The following FTO variants were observed in gnomAD, a reference collection of about 807,000 sequenced individuals.
FTO encodes alpha-ketoglutarate-dependent dioxygenase FTO.
A neutral mutation model predicts 63.9 loss-of-function variants in FTO; 47 were observed. That is an observed-to-expected ratio of 0.74 (90% confidence interval 0.58 to 0.94). The LOEUF (loss-of-function observed/expected upper bound fraction) is 0.94. Among genes scored for constraint, FTO ranks in the 40% least tolerant of loss-of-function variants. The pLI is 0.00. For missense variants in FTO, 562 were observed against 618.1 expected, an observed-to-expected ratio of 0.91 and a Z score of 0.96; for synonymous variants, 207 against 224.4, an observed-to-expected ratio of 0.92 and a Z score of 0.69.
chr16:53,902,475 G>A (rs563186328), intron 7 of FTO, among the ~76,000 whole-genome samples: 3 of 152,196 alleles, frequency 2.0e-5, no homozygotes, highest in East Asian at 1.9e-4. Flanking sequence ...TGATGCATTC[G>A]CCAACTTTCA....
intron 8 of FTO, chr16:53,937,998 G>A (rs564844566): frequency 6.6e-5 from 10 of 152,298 alleles, no homozygotes; most frequent in South Asian, 2.1e-4. Flanking sequence ...CTTCAGGAAC[G>A]GAATGGGCTT....
chr16:54,091,136 C>T lies in FTO; in HGVS notation c.1365-20626C>T, dbSNP rs145397152. ...TGCTGGAGGTGTGGTCCGTTGGAGG[C>T]CATGTTTGGAGGCTAGTTACCACAA... On this transcript the variant is annotated intron_variant, in intron 8 of 8. Transcript: ENST00000471389. 5.2e-3 allele frequency among the ~76,000 whole-genome samples: 795 copies of T among 152,250 alleles called. 6 individuals carry two copies. Among genetic ancestry groups the T allele is most frequent in the Non-Finnish European group, 6.9e-3 (467 of 68,026 alleles).
intron 8 of FTO, among the ~76,000 whole-genome samples, chr16:53,980,822 G>A (rs910947672): frequency 1.3e-5 from 2 of 151,922 alleles, no homozygotes; most frequent in African/African-American, 4.8e-5. Flanking sequence ...TTTTAATAGC[G>A]GCATTGTTTC....
chr16:53,913,850 A>G (rs1403840327), intron 7 of FTO, among the ~76,000 whole-genome samples: 2 of 152,010 alleles, frequency 1.3e-5, no homozygotes, highest in African/African-American at 4.8e-5. Flanking sequence ...GTGGTGGCGC[A>G]TGCCTGTAAT....
intron 1 of FTO, among the ~76,000 whole-genome samples, chr16:53,795,968 G>T (rs1440214379): frequency 1.3e-5 from 2 of 151,894 alleles, no homozygotes; most frequent in Non-Finnish European, 2.9e-5. Flanking sequence ...AATCTCACCA[G>T]GGAAACTGTT....
At chr16:53,936,254 C>T (rs1446682611) in intron 8 of FTO, among the ~76,000 whole-genome samples, 2 of 152,182 alleles carry the variant, frequency 1.3e-5, no homozygotes, top group Non-Finnish European at 2.9e-5. Context: ...TAACAGCTGA[C>T]ACTGTGCAGA....
intron 3 of FTO, among the ~76,000 whole-genome samples, chr16:53,834,163 T>C (rs2079222507): frequency 6.6e-6 from 1 of 152,122 alleles, no homozygotes; most frequent in Admixed American, 6.5e-5. Flanking sequence ...TAGCTGGGAC[T>C]ACAGGCGCCC....
At chr16:53,923,599 C>G (rs1000288217) in intron 7 of FTO, among the ~76,000 whole-genome samples, 3 of 152,122 alleles carry the variant, frequency 2.0e-5, no homozygotes, top group Non-Finnish European at 4.4e-5. Flanking sequence ...GGGCTGCTGG[C>G]GCCAAGGCCC....
chr16:54,051,896 A>G (rs1244956900), intron 8 of FTO, among the ~76,000 whole-genome samples: 1 of 152,224 alleles, frequency 6.6e-6, no homozygotes, highest in Non-Finnish European at 1.5e-5. Context: ...AGAGTTTCAC[A>G]TTATAGGTTT....
chr16:53,784,056 C>G (rs534516762), intron 1 of FTO, among the ~76,000 whole-genome samples: 1 of 152,288 alleles, frequency 6.6e-6, no homozygotes, highest in South Asian at 2.1e-4. Context: ...TAGTCACTTA[C>G]AATGAGCAGC....
At chr16:54,064,152 C>A (rs1322735279) in intron 8 of FTO, among the ~76,000 whole-genome samples, 1 of 152,130 alleles carries the variant, frequency 6.6e-6, no homozygotes, top group African/African-American at 2.4e-5. Flanking sequence ...AAAAATGGTA[C>A]ATGTAGCTTT....
At chr16:53,768,375 G>A (rs1364472705) in intron 1 of FTO, among the ~76,000 whole-genome samples, 2 of 152,152 alleles carry the variant, frequency 1.3e-5, no homozygotes. Flanking sequence ...CTAGTACAGT[G>A]CCTGGCACAG....
chr16:53,826,469 A>G lies in FTO; in HGVS notation c.729A>G (p.Ala243=). 22 of 1,614,178 alleles carry G rather than the reference A, an allele frequency of 1.4e-5. No individual in the cohort carries two copies. Among genetic ancestry groups the G allele is most frequent in the Non-Finnish European group, 1.9e-5 (22 of 1,180,030 alleles). Residue 243 remains alanine, a synonymous_variant, in exon 3 of 9, where the codon GCA becomes GCG. Coordinates refer to ENST00000471389, the MANE Select transcript of FTO (RefSeq NM_001080432.3). ...ATCTGGTGGACAGGTCAGCGGTGGC[A>G]GTGTACAGTTATAGCTGTGAAGGTA... ...DENLVDRSAV[A]VYSYSCEGPE... is the part of the protein sequence containing the mutation.
intron 1 of FTO, among the ~76,000 whole-genome samples, chr16:53,759,160 G>A (rs1039728057): frequency 1.3e-5 from 2 of 152,106 alleles, no homozygotes; most frequent in African/African-American, 4.8e-5. Context: ...TTAAAGAAAG[G>A]ATCATTTAGA....
intron 6 of FTO, among the ~76,000 whole-genome samples, chr16:53,883,086 T>C (rs754730559): frequency 2.0e-5 from 3 of 152,212 alleles, no homozygotes; most frequent in Non-Finnish European, 2.9e-5. Flanking sequence ...AGTTATGTCT[T>C]TCTCCATATT....
At chr16:53,709,233 A>T (rs182574941) in intron 1 of FTO, among the ~76,000 whole-genome samples, 126 of 152,364 alleles carry the variant, frequency 8.3e-4, no homozygotes, top group African/African-American at 2.9e-3. Flanking sequence ...GAGGGTGAAT[A>T]AGAAGGTTGG....
intron 8 of FTO, among the ~76,000 whole-genome samples, chr16:54,107,024 T>C (rs1466224288): frequency 6.8e-6 from 1 of 146,212 alleles, no homozygotes; most frequent in Non-Finnish European, 1.5e-5. Context: ...ATACATAATA[T>C]ATAATAAAGT....
rs187019596 is a variant in FTO, at chr16:54,092,940, T to G, written c.1365-18822T>G. ...AGGAAGCAGCAAGGAAGCAGCATGC[T>G]CTATCCAAGAGGTGGCTTAAACTAT... On this transcript the variant is annotated intron_variant, in intron 8 of 8. Transcript: ENST00000471389. Among the ~76,000 whole-genome samples the G allele has an allele frequency of 6.9e-4, 105 of 152,366 alleles. 1 individual carries two copies. The highest frequency in any genetic ancestry group is 1.2e-3 in the Non-Finnish European group (79 of 68,042).
chr16:53,973,326 A>G (rs575048236), intron 8 of FTO, among the ~76,000 whole-genome samples: 2 of 152,294 alleles, frequency 1.3e-5, no homozygotes, highest in Admixed American at 1.3e-4. Context: ...AGTAAACCTG[A>G]TCAAATCTAG....
Sources: gnomAD v4.1 joint callset for allele counts (sites outside exome capture counted in the v4.1 genomes callset) on GRCh38, gnomAD v4.1.1 for gene constraint, MANE v1.5 for transcripts, NCBI Gene and HGNC (gene_info 2026-07-23, HGNC 2026-07-21) for gene names.